GCN1: variants seen among roughly 807,000 people sequenced by gnomAD.
The protein encoded by GCN1 is stalled ribosome sensor GCN1.
GCN1 carries 90 observed loss-of-function variants against 288.4 expected under a neutral mutation model. The ratio of observed to expected loss-of-function variants is 0.31; its 90% CI spans 0.26 to 0.37. The LOEUF is 0.37. Ranked by LOEUF, GCN1 falls within the 10% of genes least tolerant of loss-of-function variation. The pLI is 1.00. For missense variants in GCN1, 2,586 were observed against 3,419.9 expected (o/e 0.76, Z 6.08); for synonymous variants, 1,386 against 1,420.2 (o/e 0.98, Z 0.54).
intron 33 of GCN1, among the ~76,000 whole-genome samples, chr12:120,152,394 C>CACAT (rs1316490203): frequency 1.5e-5 from 2 of 134,462 alleles, no homozygotes; most frequent in African/African-American, 5.7e-5. Flanking sequence ...CACGCGCACA[C>CACAT]ACACACACAC....
chr12:120,169,393 ATATAT>A (rs1430913071), intron 15 of GCN1, among the ~76,000 whole-genome samples: 4 of 148,444 alleles, frequency 2.7e-5, no homozygotes, highest in Admixed American at 1.4e-4. Flanking sequence ...CATTTCGAAG[ATATAT>A]TATATATAGT....
At chr12:120,192,527 A>C (rs1002375882) in intron 1 of GCN1, among the ~76,000 whole-genome samples, 1 of 151,484 alleles carries the variant, frequency 6.6e-6, no homozygotes, top group African/African-American at 2.4e-5. Context: ...GGAGATCGAG[A>C]CCATCCTGGC....
At chr12:120,159,703 G>A in intron 24 of GCN1, 122 bp downstream of exon 24, 1 of 816,434 alleles carries the variant, frequency 1.2e-6, no homozygotes, top group Middle Eastern at 3.6e-4. Context: ...GCTTCCACAA[G>A]AAAACAAAAC....
At chr12:120,136,942 A>G (rs1350493747) in intron 50 of GCN1, among the ~76,000 whole-genome samples, 1 of 152,186 alleles carries the variant, frequency 6.6e-6, no homozygotes, top group African/African-American at 2.4e-5. Context: ...CAGGCCTATC[A>G]CACAGAGAGA....
At chr12:120,172,155 C>T (rs537908582) in intron 14 of GCN1, among the ~76,000 whole-genome samples, 4 of 152,118 alleles carry the variant, frequency 2.6e-5, no homozygotes, top group South Asian at 2.1e-4. Context: ...TGAGCCAGCT[C>T]GCCTGCCTCA....
chr12:120,145,395 T>C (rs2139095871), intron 38 of GCN1, 65 bp from the exon 39 acceptor site: 1 of 1,241,072 alleles, frequency 8.1e-7, no homozygotes, highest in East Asian at 2.5e-5. Context: ...CCTGTTCCAC[T>C]GTGGACCCTG....
chr12:120,180,693 A>G (rs765152342), intron 5 of GCN1, among the ~76,000 whole-genome samples: 1 of 150,234 alleles, frequency 6.7e-6, no homozygotes, highest in Non-Finnish European at 1.5e-5. Flanking sequence ...CCCTCAGAAA[A>G]CAGATATGCT....
At position 120,137,462 on chromosome 12, in the gene GCN1, G is replaced by A; in HGVS notation, c.6663+83C>T. 6.7e-7 allele frequency: 1 copy of A among 1,496,404 alleles called. No homozygotes were observed. The highest frequency in any genetic ancestry group is 9.3e-7 in the Non-Finnish European group (1 of 1,080,358). The allele number at this position is 1,496,404 out of a possible 1,614,324, so 92.7% of individuals were successfully genotyped here. On this transcript the variant is annotated intron_variant, in intron 49 of 57. Transcript: ENST00000300648. This position sits in a 1 kb window ranked among gnomAD's most constrained non-coding sequence, Gnocchi z 5.2. The stretch of plus-strand genomic sequence containing the variant: ...GCCGAAGCTGAGTGACAGGTACGTG[G>A]GGGATTCTTATAAGTCTATTCCTGT...
At chr12:120,135,820 C>T (rs942471424) in intron 51 of GCN1, among the ~76,000 whole-genome samples, 5 of 151,802 alleles carry the variant, frequency 3.3e-5, no homozygotes, top group Non-Finnish European at 5.9e-5. Flanking sequence ...GTCAGGAGTT[C>T]GAGACCAGCC....
Position 120,136,534 on chromosome 12 carries a change from G to C in GCN1, c.6976C>G (p.Leu2326Val). ...AACAAGAGGCTGAGTGTCTCGAGCA[G>C]AGCCGCCTTCACATTCCAGCTGAAC... ...DRFSWNVKAA[L>V]LETLSLLLAK... Residue 2326 changes from leucine (L) to valine (V), a missense_variant, in exon 51 of 58, where the codon CTG becomes GTG. Around this residue, in one of 8 missense-constraint regions of GCN1, gnomAD observed 17 missense variants for 52.8 expected, o/e 0.32. Transcript: ENST00000300648. The C allele has an allele frequency of 6.2e-7, 1 of 1,614,184 alleles. No individual in the cohort carries two copies. The highest frequency in any genetic ancestry group is 8.5e-7 in the Non-Finnish European group (1 of 1,179,998).
At chr12:120,163,741 TA>T (rs112705337) in intron 18 of GCN1, among the ~76,000 whole-genome samples, 134 of 149,796 alleles carry the variant, frequency 8.9e-4, no homozygotes, top group African/African-American at 3.0e-3. Flanking sequence ...AACGCATTGT[TA>T]AAAAAAAAAT....
At chr12:120,149,820 G>C in intron 35 of GCN1, 100 bp from the exon 36 acceptor site, 1 of 1,538,132 alleles carries the variant, frequency 6.5e-7, no homozygotes, top group Non-Finnish European at 9.0e-7. Flanking sequence ...ACGCTTACTG[G>C]GGTTCTATTA....
chr12:120,192,732 GA>G (rs10555637), intron 1 of GCN1, among the ~76,000 whole-genome samples: 1,508 of 108,598 alleles, frequency 0.014, 17 homozygotes, highest in African/African-American at 0.036. Context: ...ACTCCGTCTC[GA>G]AAAAAAAAAA....
Position 120,140,335 on chromosome 12 carries a change from T to C in GCN1, c.5994+524A>G, listed in dbSNP as rs73412812. On this transcript the variant is annotated intron_variant, in intron 45 of 57. Coordinates refer to ENST00000300648, the MANE Select transcript of GCN1 (RefSeq NM_006836.2). Reference sequence around the variant, plus strand: ...TAACTCAGGAACCAAGTAAGAGTAATGGACTTCACACCCCTTGAACGTTGC... The same window carrying C: ...TAACTCAGGAACCAAGTAAGAGTAACGGACTTCACACCCCTTGAACGTTGC... Among the ~76,000 whole-genome samples, 1,371 of 152,250 alleles carry C rather than the reference T, an allele frequency of 9.0e-3. 33 individuals carry two copies. The highest frequency in any genetic ancestry group is 0.032 in the African/African-American group (1,313 of 41,534).
At chr12:120,188,320 G>GAA (rs1878886414) in intron 2 of GCN1, among the ~76,000 whole-genome samples, 1 of 151,884 alleles carries the variant, frequency 6.6e-6, no homozygotes, top group Admixed American at 6.6e-5. Flanking sequence ...TGTAATCCCA[G>GAA]CTACTTGGGA....
rs1331420818 is a variant in GCN1, at chr12:120,156,644, A to G, written c.3169-40T>C. 2 of 1,606,422 alleles carry G rather than the reference A, an allele frequency of 1.2e-6. No individual in the cohort carries two copies. Among genetic ancestry groups the G allele is most frequent in the South Asian group, 1.1e-5 (1 of 90,666 alleles). On this transcript the variant is annotated intron_variant, in intron 27 of 57. Coordinates refer to ENST00000300648, the MANE Select transcript of GCN1 (RefSeq NM_006836.2). The surrounding 1 kb of genome is among the most constrained non-coding windows in gnomAD (Gnocchi z 5.8). Reference sequence around the variant, plus strand: ...AATCCACTGGTTCAGTCAGCAACTCATTTACTACTAGGGGGCCAGAGAGGG... The same window carrying G: ...AATCCACTGGTTCAGTCAGCAACTCGTTTACTACTAGGGGGCCAGAGAGGG...
intron 37 of GCN1, among the ~76,000 whole-genome samples, chr12:120,147,771 T>C (rs944408209): frequency 2.6e-5 from 4 of 152,206 alleles, no homozygotes; most frequent in Non-Finnish European, 4.4e-5. Context: ...GGCTGGGTTT[T>C]GTTCCTAGCG....
At chr12:120,175,321 G>T in intron 11 of GCN1, 109 bp from the exon 12 acceptor site, 1 of 1,034,518 alleles carries the variant, frequency 9.7e-7, no homozygotes, top group Non-Finnish European at 1.5e-6. Flanking sequence ...GATTCCAGAA[G>T]TAGCCTTTGT....
intron 2 of GCN1, among the ~76,000 whole-genome samples, chr12:120,185,640 G>A (rs926372944): frequency 1.3e-5 from 2 of 152,104 alleles, no homozygotes; most frequent in African/African-American, 2.4e-5. Context: ...TCACTCTATC[G>A]CCCCGGCTGG....
Sources: allele counts gnomAD v4.1 joint callset (sites outside exome capture counted in the v4.1 genomes callset), GRCh38; gene constraint gnomAD v4.1.1; regional missense constraint gnomAD v4.1.1; non-coding constraint Gnocchi (gnomAD v3.1); transcripts MANE v1.5; gene names NCBI Gene and HGNC (gene_info 2026-07-23, HGNC 2026-07-21).